MOB3B: variants seen among roughly 807,000 people sequenced by gnomAD.
MOB3B encodes the protein MOB kinase activator 3B.
Under a neutral mutation model 18.7 loss-of-function variants are expected in MOB3B, and 7 were observed. The ratio of observed to expected loss-of-function variants is 0.37; its 90% CI spans 0.21 to 0.70. The LOEUF is 0.70. MOB3B is among the 30% of genes least tolerant of loss of function. The pLI, the probability that MOB3B is intolerant of heterozygous loss-of-function variation, is 0.52. For missense variants in MOB3B, 253 were observed against 281.3 expected (o/e 0.90, Z 0.72); for synonymous variants, 111 against 99.9 (o/e 1.11, Z -0.66).
chr9:27,504,561 G>C (rs1587264397), intron 1 of MOB3B, among the ~76,000 whole-genome samples: 1 of 152,166 alleles, frequency 6.6e-6, no homozygotes, highest in Non-Finnish European at 1.5e-5. Flanking sequence ...CCTGGGGCTT[G>C]GGGAGATAAA....
At position 27,335,008 on chromosome 9, in the gene MOB3B, A is replaced by C. The variant is rs969697196; in HGVS notation, c.622-4392T>G. On this transcript the variant is annotated intron_variant, in intron 3 of 3. Coordinates refer to ENST00000262244, the MANE Select transcript of MOB3B (RefSeq NM_024761.5). ...CCGGCTAATTTTTTGTATTTTTAGT[A>C]GTTAGCCAGGATGGTCTCGATCTCC... 2.6e-5 allele frequency among the ~76,000 whole-genome samples: 4 copies of C among 152,102 alleles called. 1 individual carries two copies. Among genetic ancestry groups the C allele is most frequent in the East Asian group, 1.9e-4 (1 of 5,178 alleles).
chr9:27,325,515 C>T lies in MOB3B; in HGVS notation c.*5072G>A, dbSNP rs1475273097. ...AGTTACACAAATCCTTATGTAGTCA[C>T]TGAAAATTCTTACTCAGAATTAATA... On this transcript the variant is annotated 3_prime_UTR_variant, in exon 4 of 4. Transcript: ENST00000262244. The T allele has an allele frequency of 6.6e-6, 1 of 152,208 alleles. No homozygotes were observed. Among genetic ancestry groups the T allele is most frequent in the African/African-American group, 2.4e-5 (1 of 41,454 alleles). The allele number at this position is 152,208 out of a possible 1,614,324, so 9.4% of individuals were successfully genotyped here. A position where few individuals can be genotyped will look rare whatever the true frequency, so the allele number is the denominator to read the frequency against.
intron 2 of MOB3B, among the ~76,000 whole-genome samples, chr9:27,406,106 T>A (rs534054355): frequency 6.6e-6 from 1 of 152,282 alleles, no homozygotes; most frequent in Admixed American, 6.5e-5. Flanking sequence ...ATAAAGGGCA[T>A]CTAAATCAGA....
intron 2 of MOB3B, among the ~76,000 whole-genome samples, chr9:27,406,468 A>G (rs1395089550): frequency 6.6e-6 from 1 of 152,254 alleles, no homozygotes; most frequent in East Asian, 1.9e-4. Flanking sequence ...GAGGCATCAC[A>G]TTACACTGAC....
intron 2 of MOB3B, among the ~76,000 whole-genome samples, chr9:27,374,741 T>C (rs1821467789): frequency 6.6e-6 from 1 of 152,178 alleles, no homozygotes; most frequent in South Asian, 2.1e-4. Context: ...CAAAGACGAA[T>C]TCTTGCTTCT....
At position 27,459,253 on chromosome 9, in the gene MOB3B, A is replaced by G. The variant is rs184733127; in HGVS notation, c.-198-3505T>C. Among the ~76,000 whole-genome samples, 961 of 148,044 alleles carry G rather than the reference A, an allele frequency of 6.5e-3. 6 individuals are homozygous for G. Among genetic ancestry groups the G allele is most frequent in the Non-Finnish European group, 9.8e-3 (642 of 65,594 alleles). ...CCATAATTTATGCTGTGGGCTAATC[A>G]AATAGTTAGAACAGTGCTTAGCCAA... On this transcript the variant is annotated intron_variant, in intron 1 of 3. Coordinates refer to ENST00000262244, the MANE Select transcript of MOB3B (RefSeq NM_024761.5).
At chr9:27,528,611 G>A (rs1263853719) in intron 1 of MOB3B, among the ~76,000 whole-genome samples, 3 of 152,258 alleles carry the variant, frequency 2.0e-5, no homozygotes, top group Admixed American at 1.3e-4. Flanking sequence ...GGGGGCCGGG[G>A]AGGGGGACCA....
intron 2 of MOB3B, among the ~76,000 whole-genome samples, chr9:27,386,468 G>A (rs983229103): frequency 6.6e-6 from 1 of 152,208 alleles, no homozygotes; most frequent in African/African-American, 2.4e-5. Context: ...GACCTGCTTT[G>A]TTGATGCAAA....
intron 1 of MOB3B, among the ~76,000 whole-genome samples, chr9:27,462,897 A>T (rs148393219): frequency 2.0e-5 from 3 of 152,230 alleles, no homozygotes; most frequent in Non-Finnish European, 4.4e-5. Flanking sequence ...TCGAAAATAC[A>T]GTTTGAATTT....
Position 27,326,576 on chromosome 9 carries a change from G to A in MOB3B, c.*4011C>T. 1 of 398,476 alleles carries A rather than the reference G, an allele frequency of 2.5e-6. No homozygotes were observed. The highest frequency in any genetic ancestry group is 4.4e-6 in the Non-Finnish European group (1 of 226,038). The allele number at this position is 398,476 out of a possible 1,614,324, so 24.7% of individuals were successfully genotyped here. ...TTTCCATGCCCGAAGAACTGTGAGAGGAGTATAGATTTTTTCACCAAGGAA... is the reference window on the plus strand; with the variant it reads ...TTTCCATGCCCGAAGAACTGTGAGAAGAGTATAGATTTTTTCACCAAGGAA... On this transcript the variant is annotated 3_prime_UTR_variant, in exon 4 of 4. Coordinates refer to ENST00000262244, the MANE Select transcript of MOB3B (RefSeq NM_024761.5).
chr9:27,412,244 C>CA, intron 2 of MOB3B, among the ~76,000 whole-genome samples: 1 of 150,988 alleles, frequency 6.6e-6, no homozygotes, highest in Non-Finnish European at 1.5e-5. Flanking sequence ...TACCCCCATT[C>CA]AGGGATAACT....
At chr9:27,519,155 C>A (rs541930031) in intron 1 of MOB3B, among the ~76,000 whole-genome samples, 3 of 152,282 alleles carry the variant, frequency 2.0e-5, no homozygotes, top group South Asian at 2.1e-4. Flanking sequence ...CATATCCCTA[C>A]ACAAAAAGAA....
chr9:27,464,634 T>C (rs1271244229), intron 1 of MOB3B, among the ~76,000 whole-genome samples: 1 of 152,212 alleles, frequency 6.6e-6, no homozygotes, highest in Admixed American at 6.5e-5. Flanking sequence ...AAAAAGTTAT[T>C]TTTTATATTA....
intron 2 of MOB3B, among the ~76,000 whole-genome samples, chr9:27,376,194 A>T (rs980466064): frequency 6.6e-6 from 1 of 152,230 alleles, no homozygotes; most frequent in African/African-American, 2.4e-5. Flanking sequence ...ACCATCACAC[A>T]GACTCAGCAA....
At chr9:27,464,356 T>C (rs777292294) in intron 1 of MOB3B, among the ~76,000 whole-genome samples, 1 of 152,232 alleles carries the variant, frequency 6.6e-6, no homozygotes, top group African/African-American at 2.4e-5. Flanking sequence ...GATTTGATAA[T>C]GAGTTAACAA....
Position 27,326,274 on chromosome 9 carries a change from A to T in MOB3B, c.*4313T>A, listed in dbSNP as rs992955138. 2 of 391,774 alleles carry T rather than the reference A, an allele frequency of 5.1e-6. No homozygotes were observed. The highest frequency in any genetic ancestry group is 9.0e-6 in the Non-Finnish European group (2 of 222,284). The allele number at this position is 391,774 out of a possible 1,614,324, so 24.3% of individuals were successfully genotyped here. A position where few individuals can be genotyped will look rare whatever the true frequency, so the allele number is the denominator to read the frequency against. ...TTACATCAGTGGTCAACAATGGAGC[A>T]ACAAGACTCCGTAGAGGATGCCACC... is the stretch of plus-strand genomic sequence containing the variant. On this transcript the variant is annotated 3_prime_UTR_variant, in exon 4 of 4. Transcript: ENST00000262244.
At chr9:27,461,245 G>A (rs1355399988) in intron 1 of MOB3B, among the ~76,000 whole-genome samples, 1 of 152,154 alleles carries the variant, frequency 6.6e-6, no homozygotes, top group Non-Finnish European at 1.5e-5. Flanking sequence ...GTATGTATGT[G>A]TGTATCATAA....
intron 1 of MOB3B, chr9:27,524,168 AAAAG>A: frequency 5.6e-6 from 3 of 531,920 alleles, no homozygotes; most frequent in East Asian, 3.4e-5. Context: ...AAAAAAAAAA[AAAAG>A]CCTCAGAGGC....
In MOB3B at chr9:27,524,354, T is replaced by C. The variant is rs149731845; in HGVS notation, c.-199+5201A>G. ...CAAAAAAAATGAGCACCAAACCTGA[T>C]ATGATTCAAAAGTGTTTGTGGCTTG... On this transcript the variant is annotated intron_variant, in intron 1 of 3. Coordinates refer to ENST00000262244, the MANE Select transcript of MOB3B (RefSeq NM_024761.5). 76 of 1,612,528 alleles carry C rather than the reference T, an allele frequency of 4.7e-5. No individual in the cohort carries two copies. The African/African-American group carries it at 8.6e-4, about 18-fold the overall frequency.
Sources: allele counts gnomAD v4.1 joint callset (sites outside exome capture counted in the v4.1 genomes callset), GRCh38; gene constraint gnomAD v4.1.1; transcripts MANE v1.5; gene names NCBI Gene and HGNC (gene_info 2026-07-23, HGNC 2026-07-21).